The following POU2F1 variants were observed in gnomAD, a reference collection of about 807,000 sequenced individuals.
The protein encoded by POU2F1 is POU class 2 homeobox 1, also known as POU domain, class 2, transcription factor 1.
POU2F1 carries 16 observed loss-of-function variants against 84.9 expected under a neutral mutation model. The observed-to-expected ratio is 0.19, with a 90% CI of 0.13 to 0.29. POU2F1 has a LOEUF of 0.29. POU2F1 is among the 10% of genes least tolerant of loss of function. The pLI, the probability that POU2F1 is intolerant of heterozygous loss-of-function variation, is 1.00. For synonymous variants in POU2F1, 368 were observed against 368.3 expected, an observed-to-expected ratio of 1.00 and a Z score of 0.01; for missense variants, 738 against 942.6, an observed-to-expected ratio of 0.78 and a Z score of 2.84.
chr1:167,327,942 A>G lies in POU2F1; in HGVS notation c.62-4528A>G, dbSNP rs145326154. ...TAATAATGCTTATTACTCCATGGAG[A>G]TTTTATAAATCTCCTGAATTGTCTG... On this transcript the variant is annotated intron_variant, in intron 1 of 15. Transcript: ENST00000367866. 3.8e-3 allele frequency among the ~76,000 whole-genome samples: 582 copies of G among 152,278 alleles called. 3 individuals are homozygous for G. Among genetic ancestry groups the G allele is most frequent in the African/African-American group, 0.013 (560 of 41,552 alleles).
At chr1:167,373,612 G>C (rs978148122) in intron 5 of POU2F1, among the ~76,000 whole-genome samples, 8 of 152,150 alleles carry the variant, frequency 5.3e-5, no homozygotes, top group African/African-American at 1.4e-4. Context: ...ACTTGGAAAA[G>C]AAACAAATGG....
At chr1:167,401,365 C>T in intron 12 of POU2F1, 86 bp from the exon 13 acceptor site, 1 of 893,674 alleles carries the variant, frequency 1.1e-6, no homozygotes, top group Non-Finnish European at 1.7e-6. Flanking sequence ...GTCTCAATTC[C>T]AAGATCAAAG....
chr1:167,351,552 G>GAAAA (rs1282543494), intron 2 of POU2F1, among the ~76,000 whole-genome samples: 1 of 131,482 alleles, frequency 7.6e-6, no homozygotes, highest in Non-Finnish European at 1.7e-5. Context: ...AAGAAAGAAA[G>GAAAA]AAAAAAAAGA....
rs565005660 is a variant in POU2F1 at position 167,397,615 on chromosome 1, A to G, written c.1130-379A>G. On this transcript the variant is annotated intron_variant, in intron 10 of 15. Coordinates refer to ENST00000367866, the MANE Select transcript of POU2F1 (RefSeq NM_002697.4). ...GGCTGGAGTGCAGTGGCACCATCTC[A>G]GGTCACTGCAGCCTCCACCTCCCAG... 2.1e-3 allele frequency among the ~76,000 whole-genome samples: 323 copies of G among 152,268 alleles called. 1 individual carries two copies. The highest frequency in any genetic ancestry group is 7.4e-3 in the African/African-American group (306 of 41,548).
At chr1:167,399,056 G>C in intron 11 of POU2F1, 130 bp from the exon 12 acceptor site, 1 of 731,170 alleles carries the variant, frequency 1.4e-6, no homozygotes, top group Middle Eastern at 3.4e-4. Context: ...CAATCTCTTT[G>C]TTGAAAGTGG....
chr1:167,257,672 A>C (rs768889177), intron 1 of POU2F1: 4 of 152,228 alleles, frequency 2.6e-5, no homozygotes, highest in Non-Finnish European at 5.9e-5. Context: ...AGACTTTGGC[A>C]ACTAGAGGTA....
intron 8 of POU2F1, among the ~76,000 whole-genome samples, chr1:167,388,270 A>C (rs964402916): frequency 1.3e-4 from 20 of 152,258 alleles, no homozygotes; most frequent in African/African-American, 4.8e-4. Context: ...AAATTAAAGC[A>C]GCAGGGAACT....
chr1:167,317,615 A>G (rs1655999926), intron 1 of POU2F1, among the ~76,000 whole-genome samples: 1 of 152,244 alleles, frequency 6.6e-6, no homozygotes. Flanking sequence ...CTGCAGCAGG[A>G]ACATGTCCTT....
At chr1:167,298,564 A>C (rs2102557438) in intron 1 of POU2F1, among the ~76,000 whole-genome samples, 1 of 152,286 alleles carries the variant, frequency 6.6e-6, no homozygotes, top group East Asian at 1.9e-4. Flanking sequence ...ATAAGTAAAC[A>C]AACACTTCCC....
chr1:167,333,429 G>A (rs1015231746), intron 2 of POU2F1, among the ~76,000 whole-genome samples: 2 of 152,174 alleles, frequency 1.3e-5, no homozygotes, highest in African/African-American at 2.4e-5. Flanking sequence ...TAGGTTTTTC[G>A]CTTGCAGAGA....
intron 9 of POU2F1, among the ~76,000 whole-genome samples, chr1:167,395,674 G>A (rs940450169): frequency 2.6e-5 from 4 of 151,940 alleles, no homozygotes; most frequent in Non-Finnish European, 4.4e-5. Context: ...CCATGATCAC[G>A]GCTTGCTACC....
intron 1 of POU2F1, among the ~76,000 whole-genome samples, chr1:167,240,147 G>T (rs554843303): frequency 3.3e-5 from 5 of 152,054 alleles, no homozygotes; most frequent in Non-Finnish European, 7.4e-5. Context: ...GGAACATAGA[G>T]GGATAATTTT....
chr1:167,331,287 C>G (rs1232039081), intron 1 of POU2F1, among the ~76,000 whole-genome samples: 1 of 151,988 alleles, frequency 6.6e-6, no homozygotes, highest in Admixed American at 6.6e-5. Context: ...AAGAAAGACT[C>G]CTGATTTTTT....
chr1:167,313,806 C>T (rs961656238), intron 1 of POU2F1, among the ~76,000 whole-genome samples: 2 of 152,194 alleles, frequency 1.3e-5, no homozygotes, highest in African/African-American at 2.4e-5. Flanking sequence ...ACATGGTCCA[C>T]AGTGGGAGAA....
At chr1:167,349,700 T>C (rs1658431514) in intron 2 of POU2F1, among the ~76,000 whole-genome samples, 1 of 152,248 alleles carries the variant, frequency 6.6e-6, no homozygotes, top group Non-Finnish European at 1.5e-5. Context: ...AAATATTTAT[T>C]GAATACAGCA....
chr1:167,291,901 C>G (rs1340507612), intron 1 of POU2F1, among the ~76,000 whole-genome samples: 2 of 152,108 alleles, frequency 1.3e-5, no homozygotes, highest in African/African-American at 4.8e-5. Context: ...TCTCTTTTGT[C>G]TCTAGTAGCA....
intron 2 of POU2F1, among the ~76,000 whole-genome samples, chr1:167,353,445 CCTAT>C (rs760632908): frequency 4.6e-5 from 7 of 151,938 alleles, no homozygotes; most frequent in African/African-American, 9.7e-5. Flanking sequence ...AGGTTTCTGC[CCTAT>C]CTTTCAACCG....
At position 167,221,168 on chromosome 1, in the gene POU2F1, G is replaced by A. The variant is rs747423832; in HGVS notation, c.61+210G>A. ...GGCCAGGCGGAGGGGGAAGACAAGGGGCAAAGGGGGCTGCGATCCACTGCC... is the reference window on the plus strand; with the variant it reads ...GGCCAGGCGGAGGGGGAAGACAAGGAGCAAAGGGGGCTGCGATCCACTGCC... On this transcript the variant is annotated intron_variant, in intron 1 of 15. Transcript: ENST00000367866. Among the ~76,000 whole-genome samples, 488 of 151,632 alleles carry A rather than the reference G, an allele frequency of 3.2e-3. 4 individuals are homozygous for A. Among genetic ancestry groups the A allele is most frequent in the Non-Finnish European group, 4.6e-3 (315 of 67,792 alleles).
chr1:167,425,173 A>G lies in POU2F1; in HGVS notation c.*9363A>G, dbSNP rs1453311688. 6.6e-6 allele frequency: 1 copy of G among 152,106 alleles called. No homozygotes were observed. Among genetic ancestry groups the G allele is most frequent in the East Asian group, 1.9e-4 (1 of 5,196 alleles). 9.4% of individuals were successfully genotyped at this position (152,106 alleles called of 1,614,324 possible). On this transcript the variant is annotated 3_prime_UTR_variant, in exon 16 of 16. Coordinates refer to ENST00000367866, the MANE Select transcript of POU2F1 (RefSeq NM_002697.4). ...AATTCCCACCCCTAATGCTGACAAAAAGCTTAGCCAGGTCATGATACTGCT... is the reference window on the plus strand; with the variant it reads ...AATTCCCACCCCTAATGCTGACAAAGAGCTTAGCCAGGTCATGATACTGCT...
Sources: allele counts gnomAD v4.1 joint callset (sites outside exome capture counted in the v4.1 genomes callset), GRCh38; gene constraint gnomAD v4.1.1; transcripts MANE v1.5; gene names NCBI Gene and HGNC (gene_info 2026-07-23, HGNC 2026-07-21).